The following PRTFDC1 variants were observed in gnomAD, a reference collection of about 807,000 sequenced individuals.
PRTFDC1 encodes the protein phosphoribosyl transferase domain containing 1.
PRTFDC1 carries 38 observed loss-of-function variants against 34.6 expected under a neutral mutation model. That is an observed-to-expected ratio of 1.10 (90% CI 0.85 to 1.44). The LOEUF (loss-of-function observed/expected upper bound fraction) is 1.44. Among genes scored for constraint, PRTFDC1 ranks in the 40% most tolerant of loss-of-function variants. The pLI, the probability that PRTFDC1 is intolerant of heterozygous loss-of-function variation, is 0.00. For synonymous variants in PRTFDC1, 93 were observed against 98.1 expected (o/e 0.95, Z 0.31); for missense variants, 270 against 283.0 (o/e 0.95, Z 0.33).
intron 3 of PRTFDC1, among the ~76,000 whole-genome samples, chr10:24,874,997 AG>A (rs1178808100): frequency 6.6e-6 from 1 of 152,166 alleles, no homozygotes; most frequent in African/African-American, 2.4e-5. Context: ...CATCATGTGA[AG>A]AAGGGCATGT....
intron 4 of PRTFDC1, chr10:24,867,870 C>G (rs1208071750): frequency 2.0e-5 from 3 of 146,682 alleles, no homozygotes; most frequent in Non-Finnish European, 4.4e-5. Flanking sequence ...GTGGCATGAT[C>G]TTGGCTCACT....
chr10:24,904,007 C>T (rs1398832250), intron 3 of PRTFDC1, among the ~76,000 whole-genome samples: 1 of 152,044 alleles, frequency 6.6e-6, no homozygotes, highest in Non-Finnish European at 1.5e-5. Context: ...ATTCTAAGAA[C>T]TGTATTTGAA....
At chr10:24,856,728 C>T (rs1195206455) in intron 6 of PRTFDC1, among the ~76,000 whole-genome samples, 185 bp downstream of exon 6, 2 of 152,212 alleles carry the variant, frequency 1.3e-5, no homozygotes. Context: ...ACGTCTTCTT[C>T]CCTTACTTCT....
At chr10:24,927,245 G>A (rs2132592465) in intron 3 of PRTFDC1, among the ~76,000 whole-genome samples, 1 of 152,268 alleles carries the variant, frequency 6.6e-6, no homozygotes, top group East Asian at 1.9e-4. Context: ...AAAACCAAAA[G>A]TCAAAGAGAA....
At chr10:24,863,749 C>A (rs577021282) in intron 4 of PRTFDC1, among the ~76,000 whole-genome samples, 20 of 151,900 alleles carry the variant, frequency 1.3e-4, no homozygotes, top group African/African-American at 4.6e-4. Flanking sequence ...AAGTTGATTC[C>A]GACCCTCATG....
chr10:24,906,001 A>G (rs1317593542), intron 3 of PRTFDC1, among the ~76,000 whole-genome samples: 1 of 151,842 alleles, frequency 6.6e-6, no homozygotes, highest in African/African-American at 2.4e-5. Flanking sequence ...GAACATGCAA[A>G]GTTTGTCTTT....
At position 24,893,989 on chromosome 10, in the gene PRTFDC1, C is replaced by T. The variant is rs1588597700; in HGVS notation, c.340-21926G>A. Among the ~76,000 whole-genome samples, 3 of 152,292 alleles carry T rather than the reference C, an allele frequency of 2.0e-5. No individual in the cohort carries two copies. In the East Asian group the frequency reaches 5.8e-4, roughly 29 times the overall value. On this transcript the variant is annotated intron_variant, in intron 3 of 8. Coordinates refer to ENST00000320152, the MANE Select transcript of PRTFDC1 (RefSeq NM_020200.7). ...GGTCAAGGCAGAGGAGGTGCAGAAA[C>T]TGCTTGTCTCCTGATAACATTACTG... is the stretch of plus-strand genomic sequence containing the variant.
chr10:24,912,899 C>A (rs571812330), intron 3 of PRTFDC1, among the ~76,000 whole-genome samples: 25 of 152,144 alleles, frequency 1.6e-4, no homozygotes, highest in Non-Finnish European at 3.2e-4. Context: ...CTGAGTGAGC[C>A]TTTTAACCCT....
chr10:24,920,557 C>T (rs1444853555), intron 3 of PRTFDC1, among the ~76,000 whole-genome samples: 2 of 147,854 alleles, frequency 1.4e-5, no homozygotes, highest in African/African-American at 5.2e-5. Flanking sequence ...GCGACAGCAT[C>T]AGGATAAATA....
At chr10:24,877,094 C>G (rs1197068889) in intron 3 of PRTFDC1, among the ~76,000 whole-genome samples, 1 of 152,148 alleles carries the variant, frequency 6.6e-6, no homozygotes, top group Non-Finnish European at 1.5e-5. Context: ...GCACGACCCC[C>G]CTACTTCTCA....
chr10:24,908,738 G>A, intron 3 of PRTFDC1: 6 of 1,517,408 alleles, frequency 4.0e-6, no homozygotes, highest in Non-Finnish European at 5.3e-6. Context: ...CACCTACCTA[G>A]CCAGCCCGAT....
At chr10:24,854,465 C>A (rs886257318) in intron 7 of PRTFDC1, among the ~76,000 whole-genome samples, 3 of 152,124 alleles carry the variant, frequency 2.0e-5, no homozygotes, top group African/African-American at 7.2e-5. Context: ...ACTTCTCTTT[C>A]GCTAATGTTT....
In PRTFDC1 at chr10:24,860,660, G is replaced by A. The variant is rs182512648; in HGVS notation, c.406-2251C>T. Among the ~76,000 whole-genome samples the A allele has an allele frequency of 4.7e-3, 708 of 152,096 alleles. 28 individuals carry two copies. The highest frequency in any genetic ancestry group is 1.1e-3 in the Non-Finnish European group (76 of 67,994). On this transcript the variant is annotated intron_variant, in intron 4 of 8. Coordinates refer to ENST00000320152, the MANE Select transcript of PRTFDC1 (RefSeq NM_020200.7). ...GATTATTTTGTCCATTTTTGAAGCA[G>A]GGCATGCCACGTTACCCTCCACTCT...
At chr10:24,937,824 C>T (rs1849080162) in intron 2 of PRTFDC1, among the ~76,000 whole-genome samples, 1 of 151,972 alleles carries the variant, frequency 6.6e-6, no homozygotes, top group Non-Finnish European at 1.5e-5. Flanking sequence ...TCCCAAAGTG[C>T]TGGGATTACA....
At chr10:24,880,237 A>AT (rs1053586440) in intron 3 of PRTFDC1, among the ~76,000 whole-genome samples, 17 of 149,910 alleles carry the variant, frequency 1.1e-4, no homozygotes, top group South Asian at 2.1e-4. Context: ...TGTCTTTAGT[A>AT]TTTTTTTTTC....
At chr10:24,909,506 G>A (rs190225695) in intron 3 of PRTFDC1, among the ~76,000 whole-genome samples, 21 of 152,146 alleles carry the variant, frequency 1.4e-4, no homozygotes, top group African/African-American at 4.8e-4. Flanking sequence ...TAATTCACAG[G>A]ATCTAGCAGA....
intron 8 of PRTFDC1, 106 bp from the exon 9 acceptor site, chr10:24,849,997 C>T (rs1847456282): frequency 9.7e-7 from 1 of 1,026,102 alleles, no homozygotes; most frequent in South Asian, 1.3e-5. Context: ...GGCTATTGAT[C>T]ATTTAAATAG....
At chr10:24,926,040 G>A (rs1848867966) in intron 3 of PRTFDC1, among the ~76,000 whole-genome samples, 1 of 152,110 alleles carries the variant, frequency 6.6e-6, no homozygotes, top group Non-Finnish European at 1.5e-5. Context: ...AGAACTAGAG[G>A]GCTTTCTTCT....
At chr10:24,924,529 C>G (rs1231025168) in intron 3 of PRTFDC1, among the ~76,000 whole-genome samples, 3 of 152,134 alleles carry the variant, frequency 2.0e-5, no homozygotes, top group African/African-American at 7.2e-5. Flanking sequence ...TCAGAGTGAA[C>G]AGACAACCTA....
Sources: gnomAD v4.1 joint callset for allele counts (sites outside exome capture counted in the v4.1 genomes callset) on GRCh38, gnomAD v4.1.1 for gene constraint, MANE v1.5 for transcripts, NCBI Gene and HGNC (gene_info 2026-07-23, HGNC 2026-07-21) for gene names.